The following SAMD5 variants were observed in gnomAD, a reference collection of about 807,000 sequenced individuals.
SAMD5 encodes sterile alpha motif domain-containing protein 5.
A neutral mutation model predicts 11.3 loss-of-function variants in SAMD5; 13 were observed. The observed-to-expected ratio is 1.15, with a 90% CI of 0.75 to 1.83. The LOEUF is 1.83. Ranked by LOEUF, SAMD5 falls within the 40% of genes most tolerant of loss-of-function variation. SAMD5 has a pLI of 0.00. For synonymous variants in SAMD5, 129 were observed against 111.3 expected, an observed-to-expected ratio of 1.16 and a Z score of -1.00; for missense variants, 255 against 239.1, an observed-to-expected ratio of 1.07 and a Z score of -0.44.
At chr6:147,868,610 TG>T in the SAMD5 span, among the ~76,000 whole-genome samples, 2 of 152,204 alleles carry the variant, frequency 1.3e-5, no homozygotes, top group Non-Finnish European at 2.9e-5. Context: ...CACTCTGTGG[TG>T]TACTGGAAAT....
At chr6:147,529,119 G>T (rs1361028451) in intron 1 of SAMD5, among the ~76,000 whole-genome samples, 2 of 152,170 alleles carry the variant, frequency 1.3e-5, no homozygotes, top group Admixed American at 1.3e-4. Context: ...TACATAGCAA[G>T]CACTTAGTAA....
the SAMD5 span, among the ~76,000 whole-genome samples, chr6:147,770,768 A>G: frequency 6.6e-6 from 1 of 152,206 alleles, no homozygotes; most frequent in East Asian, 1.9e-4. Flanking sequence ...TTCATAAATG[A>G]ACATCTTTTA....
the SAMD5 span, among the ~76,000 whole-genome samples, chr6:147,877,943 A>AGT: frequency 1.6e-5 from 1 of 62,850 alleles, no homozygotes; most frequent in African/African-American, 4.3e-5. Flanking sequence ...AGATAGATAG[A>AGT]TAGACTCTGT....
chr6:147,770,558 G>A, the SAMD5 span, among the ~76,000 whole-genome samples: 1 of 152,292 alleles, frequency 6.6e-6, no homozygotes, highest in East Asian at 1.9e-4. Flanking sequence ...ATGAAATGGG[G>A]CTGCCATTAC....
At chr6:147,872,983 A>G in the SAMD5 span, among the ~76,000 whole-genome samples, 1 of 152,200 alleles carries the variant, frequency 6.6e-6, no homozygotes, top group Non-Finnish European at 1.5e-5. Context: ...TTGTACAAGC[A>G]CATAATCAAC....
the SAMD5 span, among the ~76,000 whole-genome samples, chr6:147,840,688 A>G: frequency 3.8e-3 from 581 of 152,388 alleles, 2 homozygotes; most frequent in Non-Finnish European, 5.3e-3. Context: ...TGTTGAGCAT[A>G]TAACTTAATT....
At chr6:147,824,631 T>C in the SAMD5 span, among the ~76,000 whole-genome samples, 1 of 152,202 alleles carries the variant, frequency 6.6e-6, no homozygotes, top group African/African-American at 2.4e-5. Context: ...TGGGAATCAA[T>C]ACTAATTACA....
intron 1 of SAMD5, among the ~76,000 whole-genome samples, chr6:147,522,830 T>C (rs181111910): frequency 6.0e-4 from 91 of 152,336 alleles, no homozygotes; most frequent in African/African-American, 1.9e-3. Context: ...CCAGCACCCC[T>C]GTTGCTCAAA....
the SAMD5 span, among the ~76,000 whole-genome samples, chr6:147,941,834 G>A: frequency 6.9e-6 from 1 of 144,268 alleles, no homozygotes; most frequent in East Asian, 2.1e-4. Context: ...AACTAAAATT[G>A]TGTGTGTGTG....
chr6:147,594,101 C>A (rs1434050028), intron 1 of SAMD5, among the ~76,000 whole-genome samples: 1 of 152,114 alleles, frequency 6.6e-6, no homozygotes, highest in Non-Finnish European at 1.5e-5. Context: ...TGCACTCCAG[C>A]CTGGGTGACA....
At chr6:147,771,278 T>C in the SAMD5 span, among the ~76,000 whole-genome samples, 1 of 152,210 alleles carries the variant, frequency 6.6e-6, no homozygotes, top group Admixed American at 6.5e-5. Context: ...TACCTTTTTC[T>C]GACTTTGGGA....
the SAMD5 span, among the ~76,000 whole-genome samples, chr6:147,852,943 T>C: frequency 6.6e-6 from 1 of 152,226 alleles, no homozygotes; most frequent in East Asian, 1.9e-4. Flanking sequence ...TTATTTTTCA[T>C]AGGCCCTTAA....
At chr6:147,918,201 A>T in the SAMD5 span, among the ~76,000 whole-genome samples, 419 of 152,274 alleles carry the variant, frequency 2.8e-3, 8 homozygotes, top group South Asian at 0.014. Flanking sequence ...ATGAGCATGG[A>T]ATGTTCTTCC....
At chr6:147,660,096 A>C (rs1790626288) in intron 1 of SAMD5, among the ~76,000 whole-genome samples, 1 of 152,124 alleles carries the variant, frequency 6.6e-6, no homozygotes, top group African/African-American at 2.4e-5. Context: ...TGCACAGCTG[A>C]TGGGTCTTCT....
the SAMD5 span, among the ~76,000 whole-genome samples, chr6:147,942,123 C>T: frequency 3.9e-5 from 6 of 152,140 alleles, no homozygotes; most frequent in South Asian, 2.1e-4. Flanking sequence ...ATGATCCACC[C>T]GCCTCGGCCT....
chr6:147,772,927 A>C, the SAMD5 span, among the ~76,000 whole-genome samples: 1 of 152,322 alleles, frequency 6.6e-6, no homozygotes, highest in Admixed American at 6.5e-5. Flanking sequence ...ATAGGCAGTA[A>C]GTAAGCACTG....
chr6:147,900,513 C>T, the SAMD5 span, among the ~76,000 whole-genome samples: 286 of 152,266 alleles, frequency 1.9e-3, 2 homozygotes, highest in African/African-American at 6.2e-3. Flanking sequence ...TGCCCCAGCC[C>T]GTGATGCTGA....
intron 1 of SAMD5, among the ~76,000 whole-genome samples, chr6:147,702,817 A>G (rs1207259625): frequency 2.0e-5 from 3 of 150,040 alleles, no homozygotes; most frequent in Non-Finnish European, 3.0e-5. Flanking sequence ...CTATTTGTAT[A>G]TGTGTGTGTG....
intron 1 of SAMD5, among the ~76,000 whole-genome samples, chr6:147,516,757 G>A (rs994602320): frequency 5.9e-5 from 9 of 152,210 alleles, no homozygotes; most frequent in Non-Finnish European, 1.0e-4. Context: ...TGGATCTGCC[G>A]GATCATATGG....
Sources: gnomAD v4.1 joint callset for allele counts (sites outside exome capture counted in the v4.1 genomes callset) on GRCh38, gnomAD v4.1.1 for gene constraint, MANE v1.5 for transcripts, NCBI Gene and HGNC (gene_info 2026-07-23, HGNC 2026-07-21) for gene names.